Variants in ARHGAP32 observed in about 807,000 individuals in gnomAD.
The protein encoded by ARHGAP32 is rho GTPase-activating protein 32.
ARHGAP32 carries 51 observed loss-of-function variants against 186.5 expected under a neutral mutation model. That is an observed-to-expected ratio of 0.27 (90% confidence interval 0.22 to 0.35). The LOEUF is 0.35. Among genes scored for constraint, ARHGAP32 ranks in the 10% least tolerant of loss-of-function variants. The pLI, the probability that ARHGAP32 is intolerant of heterozygous loss-of-function variation, is 1.00. For synonymous variants in ARHGAP32, 950 were observed against 964.3 expected, an observed-to-expected ratio of 0.99 and a Z score of 0.27; for missense variants, 2,186 against 2,623.5, an observed-to-expected ratio of 0.83 and a Z score of 3.64.
intron 1 of ARHGAP32, among the ~76,000 whole-genome samples, chr11:129,269,688 T>C (rs774937305): frequency 6.6e-6 from 1 of 151,910 alleles, no homozygotes; most frequent in Non-Finnish European, 1.5e-5. Flanking sequence ...GATCACTCCA[T>C]CCTGGGTGAC....
intron 1 of ARHGAP32, among the ~76,000 whole-genome samples, chr11:129,256,945 A>G (rs972246473): frequency 2.6e-5 from 4 of 152,174 alleles, no homozygotes; most frequent in African/African-American, 9.6e-5. Context: ...ACAGCTTGTC[A>G]TCATGTCTAA....
intron 1 of ARHGAP32, among the ~76,000 whole-genome samples, chr11:129,245,776 G>C (rs1378206550): frequency 6.6e-6 from 1 of 151,722 alleles, no homozygotes; most frequent in South Asian, 2.1e-4. Context: ...CCTGGTTCAA[G>C]TAGCCAAAGA....
At position 128,980,571 on chromosome 11, in the gene ARHGAP32, A is replaced by G; in HGVS notation, c.1958T>C (p.Ile653Thr). ...ATTTTACCTTTCAAGTGGGAACTCA[A>G]TTATGGTATGAAATTTCCCCTGAAG... ...AALQGKFHTI[I>T]EFPLERKRPQ... Residue 653 changes from isoleucine (I) to threonine (T), a missense_variant, in exon 18 of 23, where the codon ATT becomes ACT. Around this residue, in one of 5 missense-constraint regions of ARHGAP32, gnomAD observed 263 missense variants for 323.5 expected, o/e 0.81. Transcript: ENST00000682385. 6.2e-7 allele frequency: 1 copy of G among 1,612,306 alleles called. No individual in the cohort carries two copies. The highest frequency in any genetic ancestry group is 8.5e-7 in the Non-Finnish European group (1 of 1,179,240).
intron 5 of ARHGAP32, among the ~76,000 whole-genome samples, chr11:129,107,266 A>T (rs1942074023): frequency 6.6e-6 from 1 of 152,190 alleles, no homozygotes; most frequent in African/African-American, 2.4e-5. Flanking sequence ...CCCCCAAAAA[A>T]TAGAACTGAA....
chr11:129,224,721 G>A (rs76217400), intron 1 of ARHGAP32, among the ~76,000 whole-genome samples: 1,701 of 134,414 alleles, frequency 0.013, 17 homozygotes, highest in Non-Finnish European at 0.018. Context: ...CCTCAAACAC[G>A]CTACTTGGAC....
At chr11:129,063,354 T>A (rs1353158078) in intron 9 of ARHGAP32, among the ~76,000 whole-genome samples, 1 of 152,168 alleles carries the variant, frequency 6.6e-6, no homozygotes, top group Admixed American at 6.5e-5. Context: ...TTAGCCAATA[T>A]ATATCTTTAG....
chr11:129,134,516 G>C (rs910176848), intron 2 of ARHGAP32, among the ~76,000 whole-genome samples: 1 of 152,054 alleles, frequency 6.6e-6, no homozygotes, highest in Non-Finnish European at 1.5e-5. Flanking sequence ...AAATTAACTA[G>C]ATTTGAAACA....
chr11:129,191,981 G>A (rs188510301), intron 1 of ARHGAP32, 102 bp downstream of exon 1: 2 of 860,276 alleles, frequency 2.3e-6, no homozygotes, highest in Admixed American at 4.1e-5. Context: ...CCAGAAAACA[G>A]AAAGTCTTAT....
chr11:129,165,176 G>A (rs774725540), intron 1 of ARHGAP32, among the ~76,000 whole-genome samples: 1 of 152,080 alleles, frequency 6.6e-6, no homozygotes, highest in Non-Finnish European at 1.5e-5. Context: ...TAAAGAGAAA[G>A]AGCCCAGAAA....
chr11:129,225,054 C>T (rs1429907826), intron 1 of ARHGAP32, among the ~76,000 whole-genome samples: 1 of 152,030 alleles, frequency 6.6e-6, no homozygotes, highest in East Asian at 1.9e-4. Flanking sequence ...CTGCAGTGAG[C>T]TATGATCATG....
intron 1 of ARHGAP32, among the ~76,000 whole-genome samples, chr11:129,226,467 A>G (rs1357933997): frequency 6.6e-6 from 1 of 152,198 alleles, no homozygotes; most frequent in African/African-American, 2.4e-5. Context: ...TACGTATTCA[A>G]AGTGCTGAAA....
chr11:129,135,008 A>C (rs1298811104), intron 2 of ARHGAP32, among the ~76,000 whole-genome samples: 3 of 152,194 alleles, frequency 2.0e-5, no homozygotes, highest in Non-Finnish European at 4.4e-5. Context: ...ATTGAGACAG[A>C]ACTCTACACT....
chr11:129,263,553 C>CAAAAAAAAA (rs60941082), intron 1 of ARHGAP32, among the ~76,000 whole-genome samples: 1 of 137,138 alleles, frequency 7.3e-6, no homozygotes, highest in African/African-American at 2.8e-5. Context: ...TGGCTACTGG[C>CAAAAAAAAA]AAAAAAAAGG....
chr11:129,070,893 C>T (rs1360305655), intron 6 of ARHGAP32, among the ~76,000 whole-genome samples: 1 of 151,970 alleles, frequency 6.6e-6, no homozygotes, highest in Non-Finnish European at 1.5e-5. Flanking sequence ...TGAAGCTAAA[C>T]ACAATTTCAT....
chr11:129,036,998 A>C (rs1384707728), intron 11 of ARHGAP32, among the ~76,000 whole-genome samples: 1 of 152,258 alleles, frequency 6.6e-6, no homozygotes, highest in Non-Finnish European at 1.5e-5. Flanking sequence ...TAGAACTAAT[A>C]AACAGTTCAG....
chr11:129,278,481 C>A (rs758682077), intron 1 of ARHGAP32, among the ~76,000 whole-genome samples: 10 of 152,188 alleles, frequency 6.6e-5, no homozygotes, highest in Non-Finnish European at 7.3e-5. Flanking sequence ...TCTCTCCCTA[C>A]CGTTTCTTGT....
At chr11:129,073,962 AC>A (rs1210442401) in intron 6 of ARHGAP32, among the ~76,000 whole-genome samples, 4 of 152,176 alleles carry the variant, frequency 2.6e-5, no homozygotes, top group African/African-American at 9.6e-5. Context: ...AATAACCCCT[AC>A]CCAGCAACCT....
At chr11:129,194,919 TCTAA>T (rs2135565338), upstream of ARHGAP32, among the ~76,000 whole-genome samples, 1 of 141,716 alleles carries the variant, frequency 7.1e-6, no homozygotes, top group East Asian at 2.4e-4. Flanking sequence ...TCTAAACAAC[TCTAA>T]CTCCTTCAAA....
At chr11:129,106,717 T>C (rs374650745) in intron 5 of ARHGAP32, among the ~76,000 whole-genome samples, 1 of 151,758 alleles carries the variant, frequency 6.6e-6, no homozygotes, top group African/African-American at 2.4e-5. Flanking sequence ...ACTAGATAGC[T>C]CAACAACAGA....
Sources: gnomAD v4.1 joint callset for allele counts (sites outside exome capture counted in the v4.1 genomes callset) on GRCh38, gnomAD v4.1.1 for gene constraint, gnomAD v4.1.1 regional missense constraint, MANE v1.5 for transcripts, NCBI Gene and HGNC (gene_info 2026-07-23, HGNC 2026-07-21) for gene names.